Variants in CEP85L observed in about 807,000 individuals in gnomAD.
CEP85L encodes the protein centrosomal protein of 85 kDa-like.
In CEP85L, 60 loss-of-function variants were observed where a neutral mutation model predicts 100.3. That is an observed-to-expected ratio of 0.60 (90% CI 0.49 to 0.74). CEP85L has a LOEUF of 0.74. Ranked by LOEUF, CEP85L falls within the 30% of genes least tolerant of loss-of-function variation. CEP85L has a pLI of 0.00. For synonymous variants in CEP85L, 319 were observed against 322.7 expected, an observed-to-expected ratio of 0.99 and a Z score of 0.12; for missense variants, 973 against 936.2, an observed-to-expected ratio of 1.04 and a Z score of -0.51.
chr6:118,601,870 T>C (rs1261902099), intron 2 of CEP85L, among the ~76,000 whole-genome samples: 1 of 152,198 alleles, frequency 6.6e-6, no homozygotes, highest in Non-Finnish European at 1.5e-5. Flanking sequence ...CCAGCTCCTT[T>C]ACTGCAACAT....
intron 12 of CEP85L, among the ~76,000 whole-genome samples, chr6:118,466,975 G>A (rs888873837): frequency 6.6e-6 from 1 of 152,112 alleles, no homozygotes; most frequent in African/African-American, 2.4e-5. Flanking sequence ...TTGAGTGATG[G>A]GCAGGGATTG....
At chr6:118,687,054 C>T (rs1776858174) in intron 1 of CEP85L, among the ~76,000 whole-genome samples, 1 of 152,136 alleles carries the variant, frequency 6.6e-6, no homozygotes, top group Non-Finnish European at 1.5e-5. Context: ...AATATAAAAG[C>T]TTATTCTGAC....
chr6:118,616,170 A>T (rs1265158166), intron 2 of CEP85L, among the ~76,000 whole-genome samples: 1 of 152,204 alleles, frequency 6.6e-6, no homozygotes, highest in Non-Finnish European at 1.5e-5. Flanking sequence ...CTTAAACTTG[A>T]CATAAAAAGC....
intron 10 of CEP85L, among the ~76,000 whole-genome samples, chr6:118,474,935 G>A (rs1773243050): frequency 6.6e-6 from 1 of 152,188 alleles, no homozygotes; most frequent in South Asian, 2.1e-4. Context: ...GAATACTCCT[G>A]AGGTCAGAAC....
At chr6:118,475,647 C>T (rs1354277544) in intron 10 of CEP85L, among the ~76,000 whole-genome samples, 1 of 152,112 alleles carries the variant, frequency 6.6e-6, no homozygotes, top group Non-Finnish European at 1.5e-5. Flanking sequence ...AGCCACCACG[C>T]CCGGTGACTT....
At chr6:118,607,595 C>T (rs1772315345) in intron 2 of CEP85L, among the ~76,000 whole-genome samples, 1 of 152,144 alleles carries the variant, frequency 6.6e-6, no homozygotes, top group African/African-American at 2.4e-5. Flanking sequence ...TCTAATCCTC[C>T]TAAGTTGGGC....
chr6:118,585,565 C>T (rs568311377), intron 2 of CEP85L, among the ~76,000 whole-genome samples: 1 of 152,304 alleles, frequency 6.6e-6, no homozygotes, highest in East Asian at 1.9e-4. Context: ...TGGGCCACTT[C>T]TCGAGGGTAT....
At chr6:118,472,108 T>G (rs1430630285) in intron 10 of CEP85L, among the ~76,000 whole-genome samples, 1 of 151,844 alleles carries the variant, frequency 6.6e-6, no homozygotes, top group East Asian at 1.9e-4. Flanking sequence ...AACAGAATAA[T>G]TATAATAATG....
chr6:118,672,159 C>T (rs2115428835), intron 1 of CEP85L, among the ~76,000 whole-genome samples: 1 of 152,218 alleles, frequency 6.6e-6, no homozygotes, highest in Non-Finnish European at 1.5e-5. Context: ...GCCTCAGCCT[C>T]CTGAGTAGCT....
chr6:118,620,899 T>C (rs1471562462), intron 2 of CEP85L, among the ~76,000 whole-genome samples: 2 of 152,120 alleles, frequency 1.3e-5, no homozygotes, highest in African/African-American at 2.4e-5. Context: ...CACACCCTTA[T>C]TAAGGAGGGA....
At chr6:118,588,462 C>A (rs1015102792) in intron 2 of CEP85L, among the ~76,000 whole-genome samples, 1 of 152,124 alleles carries the variant, frequency 6.6e-6, no homozygotes, top group African/African-American at 2.4e-5. Flanking sequence ...GTGGGAGGTA[C>A]CTGTGCACTT....
chr6:118,685,767 G>A (rs1776808399), intron 1 of CEP85L, among the ~76,000 whole-genome samples: 1 of 152,128 alleles, frequency 6.6e-6, no homozygotes, highest in Non-Finnish European at 1.5e-5. Context: ...AAGAATGAGG[G>A]ATGACAGTGG....
intron 1 of CEP85L, among the ~76,000 whole-genome samples, chr6:118,676,984 A>T (rs1038740016): frequency 1.3e-5 from 2 of 152,110 alleles, no homozygotes; most frequent in Admixed American, 1.3e-4. Context: ...GACGATATGT[A>T]TGTCTTCTTT....
chr6:118,545,189 C>T (rs1411773919), intron 3 of CEP85L, among the ~76,000 whole-genome samples: 2 of 151,788 alleles, frequency 1.3e-5, no homozygotes, highest in Admixed American at 6.6e-5. Flanking sequence ...TTCCAAAAAC[C>T]GATTCTATTT....
intron 1 of CEP85L, among the ~76,000 whole-genome samples, chr6:118,687,344 G>A (rs1188852788): frequency 6.6e-6 from 1 of 152,180 alleles, no homozygotes; most frequent in African/African-American, 2.4e-5. Context: ...TCCTGCCTCA[G>A]CCTCCCAAGT....
chr6:118,557,673 A>G (rs1778957214), intron 3 of CEP85L, among the ~76,000 whole-genome samples: 2 of 152,220 alleles, frequency 1.3e-5, no homozygotes, highest in Admixed American at 1.3e-4. Context: ...TCCAGCCACC[A>G]GCACCCCAAA....
chr6:118,467,856 G>C (rs1772646320), intron 12 of CEP85L, among the ~76,000 whole-genome samples: 1 of 152,166 alleles, frequency 6.6e-6, no homozygotes, highest in Admixed American at 6.6e-5. Flanking sequence ...ACTCTGTGGA[G>C]TCTCCACAGC....
At chr6:118,558,905 C>G in intron 3 of CEP85L, 1 of 1,611,498 alleles carries the variant, frequency 6.2e-7, no homozygotes, top group East Asian at 2.2e-5. Context: ...CTTCAGACTT[C>G]CTGTCCTGCT....
chr6:118,462,045 C>T lies in CEP85L; in HGVS notation c.*3360G>A, dbSNP rs1341960694. 6.6e-6 allele frequency: 1 copy of T among 151,968 alleles called. No homozygotes were observed. The highest frequency in any genetic ancestry group is 1.5e-5 in the Non-Finnish European group (1 of 67,892). 9.4% of individuals were successfully genotyped at this position (151,968 alleles called of 1,614,324 possible). ...AACATCCTCTAAGAAATTAATAATTCTTGCACTATGAAAGAATTACTTTAT... is the reference window on the plus strand; with the variant it reads ...AACATCCTCTAAGAAATTAATAATTTTTGCACTATGAAAGAATTACTTTAT... On this transcript the variant is annotated 3_prime_UTR_variant, in exon 13 of 13. Coordinates refer to ENST00000368491, the MANE Select transcript of CEP85L (RefSeq NM_001042475.3).
Sources: allele counts gnomAD v4.1 joint callset (sites outside exome capture counted in the v4.1 genomes callset), GRCh38; gene constraint gnomAD v4.1.1; transcripts MANE v1.5; gene names NCBI Gene and HGNC (gene_info 2026-07-23, HGNC 2026-07-21).